SLC25A21: variants seen among roughly 807,000 people sequenced by gnomAD.
SLC25A21 encodes mitochondrial 2-oxodicarboxylate carrier.
Under a neutral mutation model 43.8 loss-of-function variants are expected in SLC25A21, and 47 were observed. That is an observed-to-expected ratio of 1.07 (90% CI 0.85 to 1.37). The LOEUF (loss-of-function observed/expected upper bound fraction) is 1.37. Ranked by LOEUF, SLC25A21 falls within the 40% of genes most tolerant of loss-of-function variation. The pLI, the probability that SLC25A21 is intolerant of heterozygous loss-of-function variation, is 0.00. For missense variants in SLC25A21, 352 were observed against 350.2 expected (o/e 1.00, Z -0.04); for synonymous variants, 131 against 121.3 (o/e 1.08, Z -0.52).
intron 1 of SLC25A21, among the ~76,000 whole-genome samples, chr14:37,085,170 T>C (rs1178779803): frequency 6.6e-6 from 1 of 152,186 alleles, no homozygotes; most frequent in Non-Finnish European, 1.5e-5. Flanking sequence ...ATTTAGATTT[T>C]TGCTCAAATA....
intron 7 of SLC25A21, among the ~76,000 whole-genome samples, chr14:36,711,003 C>T (rs1883833933): frequency 6.6e-6 from 1 of 152,070 alleles, no homozygotes; most frequent in Non-Finnish European, 1.5e-5. Context: ...TCTAGAAATT[C>T]CTTTTAGTAA....
At chr14:37,037,160 C>T (rs1430373827) in intron 1 of SLC25A21, among the ~76,000 whole-genome samples, 1 of 152,092 alleles carries the variant, frequency 6.6e-6, no homozygotes, top group African/African-American at 2.4e-5. Flanking sequence ...AAACTGTTTC[C>T]AAGTTATTTC....
intron 4 of SLC25A21, among the ~76,000 whole-genome samples, chr14:36,733,420 G>A (rs1884910110): frequency 6.6e-6 from 1 of 152,076 alleles, no homozygotes; most frequent in Non-Finnish European, 1.5e-5. Flanking sequence ...CAACAAAGAG[G>A]GTGAGTTTAT....
intron 3 of SLC25A21, among the ~76,000 whole-genome samples, chr14:36,764,565 A>AACAAG (rs1372861095): frequency 1.3e-5 from 2 of 150,238 alleles, no homozygotes; most frequent in Non-Finnish European, 3.0e-5. Context: ...AACAAAACAA[A>AACAAG]ACAAAACAAA....
At chr14:36,760,331 A>AAGGAAG (rs1886096467) in intron 3 of SLC25A21, among the ~76,000 whole-genome samples, 2 of 136,654 alleles carry the variant, frequency 1.5e-5, no homozygotes, top group Non-Finnish European at 1.6e-5. Flanking sequence ...GCAGCTAGGC[A>AAGGAAG]GAAGGAAGGA....
Position 37,003,256 on chromosome 14 carries a change from C to A in SLC25A21, c.71-128252G>T, listed in dbSNP as rs554049377. On this transcript the variant is annotated intron_variant, in intron 1 of 9. Coordinates refer to ENST00000331299, the MANE Select transcript of SLC25A21 (RefSeq NM_030631.4). Reference sequence around the variant, plus strand: ...AATCCAATTCCACTCTCAAAGCATCCTTTTGTACAGCACTAAGCTTTCTTC... The same window carrying A: ...AATCCAATTCCACTCTCAAAGCATCATTTTGTACAGCACTAAGCTTTCTTC... Among the ~76,000 whole-genome samples, 4 of 152,250 alleles carry A rather than the reference C, an allele frequency of 2.6e-5. No individual in the cohort carries two copies. In the South Asian group the frequency reaches 8.3e-4, roughly 32 times the overall value.
At chr14:36,735,044 C>T (rs72679792) in intron 3 of SLC25A21, among the ~76,000 whole-genome samples, 37,640 of 152,120 alleles carry the variant, frequency 0.25, 4,863 homozygotes, top group Middle Eastern at 0.31. Context: ...AACTAACAAG[C>T]TCTGTGGGTA....
At chr14:36,932,389 G>A (rs1025693583) in intron 1 of SLC25A21, among the ~76,000 whole-genome samples, 1 of 152,062 alleles carries the variant, frequency 6.6e-6, no homozygotes, top group Non-Finnish European at 1.5e-5. Context: ...GAGGTAGGTT[G>A]TCCTATTTAA....
At chr14:36,752,635 C>T (rs144608281) in intron 3 of SLC25A21, among the ~76,000 whole-genome samples, 2 of 152,274 alleles carry the variant, frequency 1.3e-5, no homozygotes, top group East Asian at 3.9e-4. Flanking sequence ...CACAAAAAGA[C>T]AAGTACTGTA....
chr14:36,730,983 T>C (rs1356553802), intron 4 of SLC25A21, among the ~76,000 whole-genome samples: 6 of 151,758 alleles, frequency 4.0e-5, no homozygotes, highest in Non-Finnish European at 5.9e-5. Context: ...GTTTTTTTTT[T>C]TTTTTTCGAG....
intron 6 of SLC25A21, among the ~76,000 whole-genome samples, chr14:36,718,477 G>A (rs1465878799): frequency 6.6e-6 from 1 of 151,852 alleles, no homozygotes; most frequent in East Asian, 1.9e-4. Flanking sequence ...TCTGTAAACA[G>A]AGCCACACGC....
At chr14:36,883,568 G>C (rs942903700) in intron 1 of SLC25A21, among the ~76,000 whole-genome samples, 1 of 152,166 alleles carries the variant, frequency 6.6e-6, no homozygotes, top group African/African-American at 2.4e-5. Flanking sequence ...AACTTCAAGA[G>C]AGCAGAGACC....
chr14:37,012,460 T>A (rs1047195374), intron 1 of SLC25A21, among the ~76,000 whole-genome samples: 1 of 152,186 alleles, frequency 6.6e-6, no homozygotes, highest in Non-Finnish European at 1.5e-5. Flanking sequence ...AGCTGAATTG[T>A]ATGTCTGAGT....
intron 7 of SLC25A21, among the ~76,000 whole-genome samples, chr14:36,710,855 AAATT>A (rs1184805836): frequency 6.6e-6 from 1 of 152,218 alleles, no homozygotes; most frequent in Non-Finnish European, 1.5e-5. Context: ...CCTAGATTAA[AAATT>A]AATATCCAGG....
rs1961344210 is a variant in SLC25A21, at chr14:37,037,120, G to T, written c.70+135161C>A. Among the ~76,000 whole-genome samples, 7 of 152,264 alleles carry T rather than the reference G, an allele frequency of 4.6e-5. 2 individuals carry two copies. In the South Asian group the frequency reaches 1.5e-3, roughly 32 times the overall value. On this transcript the variant is annotated intron_variant, in intron 1 of 9. Transcript: ENST00000331299. ...AAGCAGAGGCTGGGGCGGGTGTGGG[G>T]GGACCCTGATTGTGAGTCAGGAAGA...
chr14:36,723,759 T>G (rs1348482389), intron 6 of SLC25A21, among the ~76,000 whole-genome samples: 3 of 152,366 alleles, frequency 2.0e-5, no homozygotes, highest in South Asian at 2.1e-4. Flanking sequence ...AACATTAGCA[T>G]GAGCCGAGGT....
chr14:36,762,850 G>T (rs1184398366), intron 3 of SLC25A21, among the ~76,000 whole-genome samples: 5 of 152,152 alleles, frequency 3.3e-5, no homozygotes, highest in Non-Finnish European at 7.3e-5. Flanking sequence ...TTTAGTATTA[G>T]CCTATCTCTC....
intron 1 of SLC25A21, among the ~76,000 whole-genome samples, chr14:37,048,093 G>T (rs1019016762): frequency 6.6e-6 from 1 of 152,080 alleles, no homozygotes; most frequent in African/African-American, 2.4e-5. Flanking sequence ...GTCCATTCAT[G>T]AAGCTCTTCC....
At chr14:36,884,986 A>G (rs892624587) in intron 1 of SLC25A21, among the ~76,000 whole-genome samples, 1 of 151,964 alleles carries the variant, frequency 6.6e-6, no homozygotes, top group Non-Finnish European at 1.5e-5. Context: ...GCGCAATTCC[A>G]TTTGTCTATT....
Sources: gnomAD v4.1 joint callset for allele counts (sites outside exome capture counted in the v4.1 genomes callset) on GRCh38, gnomAD v4.1.1 for gene constraint, MANE v1.5 for transcripts, NCBI Gene and HGNC (gene_info 2026-07-23, HGNC 2026-07-21) for gene names.